SH3BGRL: variants seen among roughly 807,000 people sequenced by gnomAD.
The protein encoded by SH3BGRL is adapter SH3BGRL.
A neutral mutation model predicts 9.8 loss-of-function variants in SH3BGRL; 7 were observed. The ratio of observed to expected loss-of-function variants is 0.72; its 90% CI spans 0.41 to 1.35. The LOEUF (loss-of-function observed/expected upper bound fraction) is 1.35, where lower values mean the gene tolerates loss of function less well. SH3BGRL is among the 40% of genes most tolerant of loss of function. The pLI is 0.01. For missense variants in SH3BGRL, 73 were observed against 84.4 expected, an observed-to-expected ratio of 0.86 and a Z score of 0.53; for synonymous variants, 36 against 29.1, an observed-to-expected ratio of 1.24 and a Z score of -0.76.
intron 1 of SH3BGRL, among the ~76,000 whole-genome samples, chrX:81,256,087 TGTTTTTGGTTTTCCCCCTTTTTCAGA>T (rs1456465580): frequency 8.9e-6 from 1 of 112,179 alleles, no homozygotes; most frequent in East Asian, 2.8e-4. Context: ...TATTTCACAA[TGTTTTTGGTTTTCCCCCTTTTTCAGA>T]AACAAATGTT....
intron 1 of SH3BGRL, among the ~76,000 whole-genome samples, chrX:81,261,152 A>T (rs892652190): frequency 1.8e-5 from 2 of 111,494 alleles, no homozygotes; most frequent in Non-Finnish European, 3.8e-5. Flanking sequence ...AGTGGAACAA[A>T]CTTAAGATTT....
At chrX:81,202,286 C>A in intron 1 of SH3BGRL, 41 bp downstream of exon 1, 1 of 1,147,137 alleles carries the variant, frequency 8.7e-7, no homozygotes, top group Non-Finnish European at 1.2e-6. Flanking sequence ...TTTTCCTACA[C>A]ACCAGTCCTC....
intron 3 of SH3BGRL, among the ~76,000 whole-genome samples, chrX:81,288,744 C>G (rs1306272263): frequency 9.0e-6 from 1 of 111,469 alleles, no homozygotes; most frequent in Non-Finnish European, 1.9e-5. Flanking sequence ...TTAAAGTTTT[C>G]TACAATGAAA....
intron 1 of SH3BGRL, among the ~76,000 whole-genome samples, chrX:81,223,352 A>C (rs2075606500): frequency 9.0e-6 from 1 of 110,942 alleles, no homozygotes; most frequent in African/African-American, 3.3e-5. Flanking sequence ...GTGAAGTGGG[A>C]GATCAGATTC....
intron 1 of SH3BGRL, among the ~76,000 whole-genome samples, chrX:81,229,943 C>T (rs1284145009): frequency 8.9e-6 from 1 of 111,771 alleles, no homozygotes; most frequent in East Asian, 2.8e-4. Flanking sequence ...CCCAGCGCTT[C>T]CATGCTCCTC....
At chrX:81,238,435 A>G (rs188436949) in intron 1 of SH3BGRL, among the ~76,000 whole-genome samples, 159 of 112,478 alleles carry the variant, frequency 1.4e-3, no homozygotes, top group Non-Finnish European at 2.4e-3. Flanking sequence ...AACAGTAGAA[A>G]GGACTACATC....
chrX:81,219,486 A>G (rs983435360), intron 1 of SH3BGRL, among the ~76,000 whole-genome samples: 1 of 111,421 alleles, frequency 9.0e-6, no homozygotes, highest in Admixed American at 9.6e-5. Flanking sequence ...GCAACTGTAC[A>G]TAATTTATTT....
intron 1 of SH3BGRL, among the ~76,000 whole-genome samples, chrX:81,274,018 T>A (rs2147709786): frequency 8.9e-6 from 1 of 112,106 alleles, no homozygotes; most frequent in African/African-American, 3.2e-5. Context: ...TTGAAAAATA[T>A]TTATTTAAAT....
chrX:81,206,405 A>G (rs755653353), intron 1 of SH3BGRL, among the ~76,000 whole-genome samples: 1 of 111,727 alleles, frequency 9.0e-6, no homozygotes, highest in Non-Finnish European at 1.9e-5. Flanking sequence ...AAGCACTATG[A>G]TTATCTCTGT....
intron 3 of SH3BGRL, among the ~76,000 whole-genome samples, chrX:81,293,537 G>C (rs1885117748): frequency 8.9e-6 from 1 of 111,916 alleles, no homozygotes; most frequent in South Asian, 3.7e-4. Flanking sequence ...ACAAAAAGTA[G>C]CTGGGCATGG....
chrX:81,260,111 G>A (rs1429515896), intron 1 of SH3BGRL, among the ~76,000 whole-genome samples: 1 of 111,302 alleles, frequency 9.0e-6, no homozygotes, highest in East Asian at 2.8e-4. Context: ...TTTTTTCTTA[G>A]GCCAAACTTT....
intron 1 of SH3BGRL, among the ~76,000 whole-genome samples, chrX:81,243,766 A>G (rs969074394): frequency 2.7e-5 from 3 of 111,630 alleles, no homozygotes; most frequent in Non-Finnish European, 5.6e-5. Flanking sequence ...AGTCTTTTAC[A>G]TATATTCTAA....
At chrX:81,252,184 C>A (rs188129237) in intron 1 of SH3BGRL, among the ~76,000 whole-genome samples, 3 of 111,638 alleles carry the variant, frequency 2.7e-5, no homozygotes, top group African/African-American at 9.8e-5. Context: ...AGAAACATTC[C>A]TGAGATATAC....
chrX:81,278,191 A>G, intron 2 of SH3BGRL, 140 bp from the exon 3 acceptor site: 1 of 402,087 alleles, frequency 2.5e-6, no homozygotes, highest in Non-Finnish European at 4.3e-6. Flanking sequence ...TCAAACTCCC[A>G]ACCTTAGGTG....
intron 2 of SH3BGRL, among the ~76,000 whole-genome samples, chrX:81,277,552 A>G (rs1024995112): frequency 2.7e-5 from 3 of 112,222 alleles, no homozygotes; most frequent in African/African-American, 9.7e-5. Context: ...CCTTTCTCAA[A>G]ACACAGCAAA....
chrX:81,223,294 T>G (rs1384415595), intron 1 of SH3BGRL, among the ~76,000 whole-genome samples: 30 of 112,042 alleles, frequency 2.7e-4, no homozygotes, highest in Non-Finnish European at 7.5e-5. Context: ...CTTCTAGGGT[T>G]TTTATGGTTT....
chrX:81,280,135 G>A (rs1033248031), intron 3 of SH3BGRL, among the ~76,000 whole-genome samples: 3 of 110,391 alleles, frequency 2.7e-5, no homozygotes, highest in Admixed American at 9.6e-5. Context: ...CAGTGACCTG[G>A]GAATCTCACC....
At chrX:81,204,927 A>AT (rs2089583308) in intron 1 of SH3BGRL, among the ~76,000 whole-genome samples, 4 of 112,498 alleles carry the variant, frequency 3.6e-5, no homozygotes, top group Admixed American at 1.9e-4. Flanking sequence ...AATGGATTTC[A>AT]TTTTTTATTT....
Position 81,202,415 on chromosome X carries a change from ATT to A in SH3BGRL, c.45+182_45+183del, listed in dbSNP as rs35063255. ...TTTTTCCCTTTGTTGCATCGATTTC[ATT>A]TTTTTTTTTTTCCACATAGAGTTCA... On this transcript the variant is annotated intron_variant, in intron 1 of 3. Coordinates refer to ENST00000373212, the MANE Select transcript of SH3BGRL (RefSeq NM_003022.3). 3.5e-4 allele frequency: 286 copies of A among 818,438 alleles called. No homozygotes were observed. In the African/African-American group the frequency reaches 3.5e-3, roughly 10 times the overall value. 67.4% of individuals were successfully genotyped at this position (818,438 alleles called of 1,213,427 possible).
Sources: allele counts gnomAD v4.1 joint callset (sites outside exome capture counted in the v4.1 genomes callset), GRCh38; gene constraint gnomAD v4.1.1; transcripts MANE v1.5; gene names NCBI Gene and HGNC (gene_info 2026-07-23, HGNC 2026-07-21).